Variants in SLC24A3 observed in about 807,000 individuals in gnomAD.
SLC24A3 encodes the protein solute carrier family 24 member 3, also known as sodium/potassium/calcium exchanger 3.
SLC24A3 carries 28 observed loss-of-function variants against 75.8 expected under a neutral mutation model. The ratio of observed to expected loss-of-function variants is 0.37; its 90% CI spans 0.27 to 0.51. The LOEUF (loss-of-function observed/expected upper bound fraction) is 0.51. SLC24A3 is among the 20% of genes least tolerant of loss of function. The pLI is 0.94. For synonymous variants in SLC24A3, 372 were observed against 334.1 expected, an observed-to-expected ratio of 1.11 and a Z score of -1.24; for missense variants, 663 against 847.8, an observed-to-expected ratio of 0.78 and a Z score of 2.71.
intron 1 of SLC24A3, among the ~76,000 whole-genome samples, chr20:19,272,488 A>G (rs906111039): frequency 2.0e-5 from 3 of 152,354 alleles, no homozygotes; most frequent in African/African-American, 2.4e-5. Flanking sequence ...CTGATGCAGC[A>G]TGCTGCCTGT....
intron 1 of SLC24A3, among the ~76,000 whole-genome samples, chr20:19,221,954 C>T (rs1377728046): frequency 6.6e-6 from 1 of 152,146 alleles, no homozygotes; most frequent in African/African-American, 2.4e-5. Flanking sequence ...ACTCCCTTTT[C>T]TCTTTCTGGA....
At chr20:19,411,038 C>A (rs536018688) in intron 2 of SLC24A3, among the ~76,000 whole-genome samples, 2 of 152,144 alleles carry the variant, frequency 1.3e-5, no homozygotes, top group Non-Finnish European at 2.9e-5. Context: ...CACACATTTA[C>A]GATTTGGTTT....
At chr20:19,352,831 A>T (rs1310468195) in intron 2 of SLC24A3, among the ~76,000 whole-genome samples, 1 of 152,174 alleles carries the variant, frequency 6.6e-6, no homozygotes, top group Admixed American at 6.5e-5. Context: ...TTTTATTGTC[A>T]TGTGTCTTGT....
intron 2 of SLC24A3, among the ~76,000 whole-genome samples, chr20:19,499,415 T>C (rs185436584): frequency 1.2e-3 from 184 of 152,270 alleles, no homozygotes; most frequent in Non-Finnish European, 1.9e-3. Context: ...GACTTCTCCT[T>C]GTATTCTCAC....
intron 3 of SLC24A3, among the ~76,000 whole-genome samples, chr20:19,524,950 A>G (rs1041156720): frequency 6.6e-6 from 1 of 152,240 alleles, no homozygotes; most frequent in East Asian, 1.9e-4. Flanking sequence ...GCTCTAATTT[A>G]TCAGGGCACA....
chr20:19,369,913 C>A (rs913751219), intron 2 of SLC24A3, among the ~76,000 whole-genome samples: 8 of 152,090 alleles, frequency 5.3e-5, no homozygotes, highest in Non-Finnish European at 8.8e-5. Flanking sequence ...AGCAGTCCTC[C>A]CACTTCGGCC....
intron 12 of SLC24A3, among the ~76,000 whole-genome samples, chr20:19,691,689 C>G (rs1373942252): frequency 6.6e-6 from 1 of 152,060 alleles, no homozygotes; most frequent in Non-Finnish European, 1.5e-5. Context: ...GTCAGGTTGC[C>G]AGGGTTGGCT....
chr20:19,573,378 C>T lies in SLC24A3; in HGVS notation c.349-6622C>T, dbSNP rs368235776. 6.6e-5 allele frequency among the ~76,000 whole-genome samples: 10 copies of T among 152,232 alleles called. 2 individuals carry two copies. ...AGTCTCAATCAACCTTTGAAATTACCTGATGAGATAGTAATTATTTCTCAG... is the reference window on the plus strand; with the variant it reads ...AGTCTCAATCAACCTTTGAAATTACTTGATGAGATAGTAATTATTTCTCAG... On this transcript the variant is annotated intron_variant, in intron 3 of 16. Transcript: ENST00000328041.
intron 2 of SLC24A3, among the ~76,000 whole-genome samples, chr20:19,429,718 G>A (rs959387218): frequency 6.6e-6 from 1 of 152,098 alleles, no homozygotes; most frequent in Non-Finnish European, 1.5e-5. Flanking sequence ...TCTATATATG[G>A]TCATCCGAGA....
chr20:19,235,532 A>G (rs1271204666), intron 1 of SLC24A3, among the ~76,000 whole-genome samples: 2 of 152,164 alleles, frequency 1.3e-5, no homozygotes, highest in Non-Finnish European at 2.9e-5. Flanking sequence ...GCGTCTGGGA[A>G]GCTGGGTCTC....
chr20:19,451,297 G>T (rs1030528640), intron 2 of SLC24A3, among the ~76,000 whole-genome samples: 5 of 152,182 alleles, frequency 3.3e-5, no homozygotes, highest in Non-Finnish European at 7.4e-5. Flanking sequence ...CTTGGGCATT[G>T]CACATCCTAC....
intron 2 of SLC24A3, among the ~76,000 whole-genome samples, chr20:19,294,612 T>C (rs1008860184): frequency 2.0e-5 from 3 of 152,180 alleles, no homozygotes; most frequent in Admixed American, 6.5e-5. Flanking sequence ...CAAAGGACAC[T>C]ATCTCATTCC....
intron 2 of SLC24A3, among the ~76,000 whole-genome samples, chr20:19,474,480 A>T (rs1297891839): frequency 6.6e-6 from 1 of 152,256 alleles, no homozygotes. Flanking sequence ...ATGGGCAGTT[A>T]GGGGTTTATC....
intron 1 of SLC24A3, among the ~76,000 whole-genome samples, chr20:19,217,664 CCTT>C (rs1267515293): frequency 6.6e-6 from 1 of 152,166 alleles, no homozygotes; most frequent in Non-Finnish European, 1.5e-5. Flanking sequence ...GCTGTTGAAT[CCTT>C]CTTATGGCTC....
intron 1 of SLC24A3, among the ~76,000 whole-genome samples, chr20:19,224,043 A>G (rs1981805703): frequency 6.6e-6 from 1 of 152,182 alleles, no homozygotes; most frequent in East Asian, 1.9e-4. Flanking sequence ...ACTATGGTCG[A>G]CTGCAGGTAA....
intron 2 of SLC24A3, among the ~76,000 whole-genome samples, chr20:19,456,237 C>A (rs2122489036): frequency 6.6e-6 from 1 of 152,344 alleles, no homozygotes; most frequent in Non-Finnish European, 1.5e-5. Context: ...AGGAGACATA[C>A]AACCAGATAT....
At chr20:19,557,648 C>A (rs1008479362) in intron 3 of SLC24A3, among the ~76,000 whole-genome samples, 2 of 152,166 alleles carry the variant, frequency 1.3e-5, no homozygotes, top group Non-Finnish European at 2.9e-5. Flanking sequence ...AGTAAGAATG[C>A]AGCACAGTTC....
chr20:19,407,395 C>T (rs1441891078), intron 2 of SLC24A3, among the ~76,000 whole-genome samples: 1 of 152,186 alleles, frequency 6.6e-6, no homozygotes, highest in Non-Finnish European at 1.5e-5. Context: ...GAGAACGGGG[C>T]AGGTCGTGCT....
chr20:19,667,768 C>T (rs921667019), intron 8 of SLC24A3, among the ~76,000 whole-genome samples: 1 of 152,202 alleles, frequency 6.6e-6, no homozygotes, highest in South Asian at 2.1e-4. Context: ...CAAAACATCT[C>T]GGGATAGTTC....
Sources: gnomAD v4.1 joint callset for allele counts (sites outside exome capture counted in the v4.1 genomes callset) on GRCh38, gnomAD v4.1.1 for gene constraint, MANE v1.5 for transcripts, NCBI Gene and HGNC (gene_info 2026-07-23, HGNC 2026-07-21) for gene names.